The following EIF3F variants were observed in gnomAD, a reference collection of about 807,000 sequenced individuals.
EIF3F encodes eukaryotic translation initiation factor 3 subunit F.
A neutral mutation model predicts 36.0 loss-of-function variants in EIF3F; 8 were observed. The ratio of observed to expected loss-of-function variants is 0.22; its 90% confidence interval spans 0.13 to 0.40. EIF3F has a LOEUF of 0.40. Among genes scored for constraint, EIF3F ranks in the 10% least tolerant of loss-of-function variants. The pLI, the probability that EIF3F is intolerant of heterozygous loss-of-function variation, is 1.00. For synonymous variants in EIF3F, 184 were observed against 188.5 expected (o/e 0.98, Z 0.19); for missense variants, 430 against 467.6 (o/e 0.92, Z 0.74).
rs1942158090 is a variant in EIF3F, at chr11:7,996,219, T to TGCC, written c.*197_*198insGCC. 5.5e-6 allele frequency: 3 copies of TGCC among 545,676 alleles called. No homozygotes were observed. The African/African-American group carries it at 5.7e-5, about 10-fold the overall frequency. The allele number at this position is 545,676 out of a possible 1,614,324, so 33.8% of individuals were successfully genotyped here. On this transcript the variant is annotated 3_prime_UTR_variant, in exon 8 of 8. Transcript: ENST00000651655. ...GCCGGGTGGAAGGGAGGAAAATGTT[T>TGCC]TAGATCACACAGAAACTAGGAAGTG...
intron 3 of EIF3F, chr11:7,992,537 A>G (rs1942109228): frequency 2.3e-6 from 1 of 426,902 alleles, no homozygotes; most frequent in Admixed American, 4.0e-5. Context: ...ATGCCTTGCC[A>G]CTGCATTCCA....
Position 7,998,420 on chromosome 11 carries a change from G to A in EIF3F, c.*2398G>A, listed in dbSNP as rs1942186490. On this transcript the variant is annotated 3_prime_UTR_variant, in exon 8 of 8. Coordinates refer to ENST00000651655, the MANE Select transcript of EIF3F (RefSeq NM_003754.3). ...TTAGGAACACTTGGCACTGTGCGTG[G>A]GGGTCACTTTAAGCAGCAAAATCCA... is the stretch of plus-strand genomic sequence containing the variant. 6.6e-6 allele frequency: 1 copy of A among 152,166 alleles called. No homozygotes were observed. Among genetic ancestry groups the A allele is most frequent in the Non-Finnish European group, 1.5e-5 (1 of 68,034 alleles). The allele number at this position is 152,166 out of a possible 1,614,324, so 9.4% of individuals were successfully genotyped here.
intron 1 of EIF3F, among the ~76,000 whole-genome samples, chr11:7,989,336 C>T (rs1032623316): frequency 2.6e-5 from 4 of 152,184 alleles, no homozygotes; most frequent in Non-Finnish European, 4.4e-5. Flanking sequence ...TGCTTTAGCG[C>T]CCCAAATATT....
intron 3 of EIF3F, chr11:7,992,609 G>A: frequency 2.0e-6 from 1 of 493,310 alleles, no homozygotes. Flanking sequence ...TTACCTGTAG[G>A]AACTGTGAAT....
At position 7,992,141 on chromosome 11, in the gene EIF3F, C is replaced by G. The variant is rs61734577; in HGVS notation, c.493C>G (p.Pro165Ala). The change falls in exon 3 of 8, where the codon CCA (proline) becomes GCA (alanine). Residue 165 changes from proline to alanine, a missense_variant. By Grantham distance (27) the Pro-to-Ala change is conservative (BLOSUM62 -1). Coordinates refer to ENST00000651655, the MANE Select transcript of EIF3F (RefSeq NM_003754.3). Reference sequence around the variant, plus strand: ...GTATGAACTGCATAAAAAAGTTTCTCCAAATGAGCTCATCCTGGGCTGGTA... The same window carrying G: ...GTATGAACTGCATAAAAAAGTTTCTGCAAATGAGCTCATCCTGGGCTGGTA... ...NMYELHKKVS[P>A]NELILGWYAT... 5.7e-5 allele frequency: 92 copies of G among 1,613,176 alleles called. No individual in the cohort carries two copies. The African/African-American group carries it at 1.1e-3, about 18-fold the overall frequency.
rs772240804 is a variant in EIF3F, at chr11:7,987,499, TGCGGCA to T, written c.150_155del (p.Ala54_Ala55del). 35 of 1,606,258 alleles carry T rather than the reference TGCGGCA, an allele frequency of 2.2e-5. No homozygotes were observed. The highest frequency in any genetic ancestry group is 1.2e-4 in the South Asian group (11 of 90,600). On this transcript the variant is annotated inframe_deletion, in exon 1 of 8. Transcript: ENST00000651655. ...CGGCTCCAGCCTCATCCTCAGACCC[TGCGGCA>T]GCAGCGGCTGCAACTGCGGCTCCTG...
chr11:7,992,405 A>G (rs941847222), intron 3 of EIF3F: 2 of 538,732 alleles, frequency 3.7e-6, no homozygotes, highest in Non-Finnish European at 3.3e-6. Context: ...TGTCTCTACA[A>G]AAACATTTTT....
At position 7,992,088 on chromosome 11, in the gene EIF3F, C is replaced by G; in HGVS notation, c.440C>G (p.Ala147Gly). Reference sequence around the variant, plus strand: ...CTTTCCTGCCTTCCCTCTTAGGTGGCTGTTGACATGGAATTTGCTAAGAAT... The same window carrying G: ...CTTTCCTGCCTTCCCTCTTAGGTGGGTGTTGACATGGAATTTGCTAAGAAT... ...VPHNESEDEV[A>G]VDMEFAKNMY... The change falls in exon 3 of 8, where the codon GCT (alanine) becomes GGT (glycine). Residue 147 changes from alanine (A) to glycine (G), a missense_variant. Coordinates refer to ENST00000651655, the MANE Select transcript of EIF3F (RefSeq NM_003754.3). 1 of 1,613,378 alleles carries G rather than the reference C, an allele frequency of 6.2e-7. No individual in the cohort carries two copies. Among genetic ancestry groups the G allele is most frequent in the Non-Finnish European group, 8.5e-7 (1 of 1,179,964 alleles).
intron 4 of EIF3F, 149 bp from the exon 5 acceptor site, chr11:7,994,277 C>A: frequency 1.5e-6 from 1 of 654,944 alleles, no homozygotes; most frequent in Non-Finnish European, 2.6e-6. Context: ...AACTTTTGCT[C>A]CCATGAGACC....
In EIF3F at chr11:7,995,296, A is replaced by T; in HGVS notation, c.925A>T (p.Met309Leu). Residue 309 changes from methionine (M) to leucine (L), a missense_variant, in exon 7 of 8, where the codon ATG becomes TTG. This residue lies in a region of EIF3F where 262 missense variants were observed against 347.4 expected (regional missense o/e 0.75). Transcript: ENST00000651655. ...TGACAATACTGTGGGCCGCTTCCTG[A>T]TGAGCCTGGTTAACCAAGTACCGAA... The part of the protein sequence containing the change: ...SADNTVGRFL[M>L]SLVNQVPKIV... 7 of 1,614,114 alleles carry T rather than the reference A, an allele frequency of 4.3e-6. No homozygotes were observed. Among genetic ancestry groups the T allele is most frequent in the Non-Finnish European group, 5.9e-6 (7 of 1,180,006 alleles).
chr11:7,991,644 G>A (rs776543589), intron 1 of EIF3F, 137 bp from the exon 2 acceptor site: 33 of 828,984 alleles, frequency 4.0e-5, no homozygotes, highest in African/African-American at 5.0e-5. Flanking sequence ...TCGATGCACC[G>A]GACTAAACTT....
rs982777202 is a variant in EIF3F at position 7,996,191 on chromosome 11, A to T, written c.*169A>T. ...AATTAATTTCATCTTATGTGAGTTT[A>T]TTGCCGGGTGGAAGGGAGGAAAATG... is the stretch of plus-strand genomic sequence containing the variant. On this transcript the variant is annotated 3_prime_UTR_variant, in exon 8 of 8. Transcript: ENST00000651655. 12 of 598,266 alleles carry T rather than the reference A, an allele frequency of 2.0e-5. No homozygotes were observed. The South Asian group carries it at 2.7e-4, about 13-fold the overall frequency. The allele number at this position is 598,266 out of a possible 1,614,324, so 37.1% of individuals were successfully genotyped here.
chr11:7,992,440 C>T (rs890086941), intron 3 of EIF3F: 2 of 483,702 alleles, frequency 4.1e-6, no homozygotes, highest in Non-Finnish European at 7.4e-6. Flanking sequence ...GGCATGATGA[C>T]ACACACCTAT....
rs1402964982 is a variant in EIF3F at position 7,987,581 on chromosome 11, C to G, written c.229C>G (p.Leu77Val). The G allele has an allele frequency of 6.3e-7, 1 of 1,594,166 alleles. No homozygotes were observed. ...QAPAQTPAPA[L>V]PGPALPGPFP... ...TCCAGCGCAGACCCCAGCGCCCGCT[C>G]TGCCTGGTCCTGCTCTTCCAGGGCC... Residue 77 changes from leucine to valine, a missense_variant, in exon 1 of 8, where the codon CTG becomes GTG. Coordinates refer to ENST00000651655, the MANE Select transcript of EIF3F (RefSeq NM_003754.3).
At position 7,987,732 on chromosome 11, in the gene EIF3F, A is replaced by T; in HGVS notation, c.364+16A>T. 1 of 1,494,050 alleles carries T rather than the reference A, an allele frequency of 6.7e-7. No homozygotes were observed. Among genetic ancestry groups the T allele is most frequent in the Non-Finnish European group, 8.9e-7 (1 of 1,121,940 alleles). The allele number at this position is 1,494,050 out of a possible 1,614,324, so 92.5% of individuals were successfully genotyped here. A position where few individuals can be genotyped will look rare whatever the true frequency, so the allele number is the denominator to read the frequency against. On this transcript the variant is annotated intron_variant, in intron 1 of 7. Coordinates refer to ENST00000651655, the MANE Select transcript of EIF3F (RefSeq NM_003754.3). Reference sequence around the variant, plus strand: ...ACCCTGTTGGGTGAGTGGTCAGAGAAAGTTAACATTCTTTTCTTCCTCCCA... The same window carrying T: ...ACCCTGTTGGGTGAGTGGTCAGAGATAGTTAACATTCTTTTCTTCCTCCCA...
rs1291290419 is a variant in EIF3F, at chr11:7,987,555, C to T, written c.203C>T (p.Ala68Val). 6.2e-7 allele frequency: 1 copy of T among 1,600,376 alleles called. No homozygotes were observed. Among genetic ancestry groups the T allele is most frequent in the Admixed American group, 1.7e-5 (1 of 58,382 alleles). Reference protein sequence around the residue: ...APGQTPASAQAPAQTPAPALP... With the variant: ...APGQTPASAQVPAQTPAPALP... ...GGCCAGACCCCGGCCTCAGCGCAAGCTCCAGCGCAGACCCCAGCGCCCGCT... is the reference window on the plus strand; with the variant it reads ...GGCCAGACCCCGGCCTCAGCGCAAGTTCCAGCGCAGACCCCAGCGCCCGCT... The change falls in exon 1 of 8, where the codon GCT (alanine) becomes GTT (valine). Residue 68 changes from alanine (A) to valine (V), a missense_variant. Coordinates refer to ENST00000651655, the MANE Select transcript of EIF3F (RefSeq NM_003754.3).
chr11:7,991,924 C>T (rs1791033811), intron 2 of EIF3F, 73 bp downstream of exon 2: 3 of 1,562,260 alleles, frequency 1.9e-6, no homozygotes, highest in South Asian at 1.1e-5. Context: ...ACGGTCCCTC[C>T]CACACTCATA....
Position 7,987,551 on chromosome 11 carries a change from C to G in EIF3F, c.199C>G (p.Gln67Glu). The change falls in exon 1 of 8, where the codon CAA becomes GAA. Residue 67 changes from glutamine to glutamate, a missense_variant. Physicochemically the swap from Gln to Glu is conservative, Grantham distance 29. Around this residue, in one of 2 missense-constraint regions of EIF3F, gnomAD observed 168 missense variants for 120.2 expected, o/e 1.40. Transcript: ENST00000651655. ...AAPGQTPASA[Q>E]APAQTPAPAL... ...TCCTGGCCAGACCCCGGCCTCAGCG[C>G]AAGCTCCAGCGCAGACCCCAGCGCC... 2 of 1,602,766 alleles carry G rather than the reference C, an allele frequency of 1.2e-6. No homozygotes were observed. The highest frequency in any genetic ancestry group is 1.7e-6 in the Non-Finnish European group (2 of 1,175,640).
In EIF3F at chr11:7,996,002, G is replaced by C; in HGVS notation, c.1054G>C (p.Glu352Gln). Residue 352 changes from glutamate (E) to glutamine (Q), a missense_variant, in exon 8 of 8, where the codon GAA becomes CAA. Physicochemically the swap from Glu to Gln is conservative, Grantham distance 29 (BLOSUM62 2). This residue lies in a region of EIF3F where 262 missense variants were observed against 347.4 expected (regional missense o/e 0.75). Transcript: ENST00000651655. ...CACACAGTCACAGATTGCACTCAAT[G>C]AAAAACTTGTAAACCTGTGAATGGA... ...NLTQSQIALNEKLVNL is the reference protein window; with the variant it reads ...NLTQSQIALNQKLVNL The C allele has an allele frequency of 6.2e-7, 1 of 1,613,902 alleles. No homozygotes were observed. Among genetic ancestry groups the C allele is most frequent in the Non-Finnish European group, 8.5e-7 (1 of 1,179,830 alleles).
Sources: gnomAD v4.1 joint callset for allele counts (sites outside exome capture counted in the v4.1 genomes callset) on GRCh38, gnomAD v4.1.1 for gene constraint, gnomAD v4.1.1 regional missense constraint, MANE v1.5 for transcripts, NCBI Gene and HGNC (gene_info 2026-07-23, HGNC 2026-07-21) for gene names.